XPA: variants seen among roughly 807,000 people sequenced by gnomAD.
XPA encodes XPA, DNA damage recognition and repair factor.
Under a neutral mutation model 35.7 loss-of-function variants are expected in XPA, and 27 were observed. That is an observed-to-expected ratio of 0.76 (90% CI 0.56 to 1.04). The LOEUF is 1.04. XPA is among the 50% of genes least tolerant of loss of function. The pLI is 0.00. For synonymous variants in XPA, 133 were observed against 118.4 expected, an observed-to-expected ratio of 1.12 and a Z score of -0.80; for missense variants, 354 against 342.7, an observed-to-expected ratio of 1.03 and a Z score of -0.26.
At chr9:97,670,536 C>CGG, downstream of XPA, among the ~76,000 whole-genome samples, 1 of 152,274 alleles carries the variant, frequency 6.6e-6, no homozygotes, top group African/African-American at 2.4e-5. Context: ...AGAAGTCACT[C>CGG]TAAGTTCAAT....
At chr9:97,693,969 A>G (rs1256476687) in intron 1 of XPA, among the ~76,000 whole-genome samples, 1 of 152,276 alleles carries the variant, frequency 6.6e-6, no homozygotes, top group East Asian at 1.9e-4. Flanking sequence ...AAAAGAAAGA[A>G]GTAAAACAGC....
At chr9:97,666,736 A>T in the XPA span, 1 of 1,439,948 alleles carries the variant, frequency 6.9e-7, no homozygotes, top group Non-Finnish European at 9.6e-7. Context: ...CTTGACATAC[A>T]GTAACCAAAT....
the XPA span, among the ~76,000 whole-genome samples, chr9:97,656,310 A>G: frequency 6.6e-6 from 1 of 152,242 alleles, no homozygotes; most frequent in Non-Finnish European, 1.5e-5. Flanking sequence ...GGCCGGGCGC[A>G]GTGGCTCACG....
At chr9:97,668,988 G>T in the XPA span, 1 of 1,592,780 alleles carries the variant, frequency 6.3e-7, no homozygotes, top group South Asian at 1.1e-5. Context: ...TCTTGGCTTG[G>T]GACATTTATA....
At chr9:97,685,609 A>G (rs1026821012) in intron 4 of XPA, among the ~76,000 whole-genome samples, 1 of 152,208 alleles carries the variant, frequency 6.6e-6, no homozygotes, top group Non-Finnish European at 1.5e-5. Flanking sequence ...GTATTTACTT[A>G]GATTTTAAGA....
chr9:97,688,983 G>C (rs779950478), intron 3 of XPA, among the ~76,000 whole-genome samples: 1 of 152,070 alleles, frequency 6.6e-6, no homozygotes, highest in Admixed American at 6.6e-5. Flanking sequence ...GGAGAACCAC[G>C]TGAAGTGAGA....
chr9:97,666,234 C>G, the XPA span, among the ~76,000 whole-genome samples: 1 of 152,166 alleles, frequency 6.6e-6, no homozygotes, highest in African/African-American at 2.4e-5. Flanking sequence ...AGTAAGAAAG[C>G]TGACATATAA....
rs1200391679 is a variant in XPA, at chr9:97,683,157, T to TAA, written c.673+1764_673+1765dup. 9.2e-5 allele frequency among the ~76,000 whole-genome samples: 14 copies of TAA among 152,264 alleles called. No homozygotes were observed. The East Asian group carries it at 2.7e-3, about 29-fold the overall frequency. On this transcript the variant is annotated intron_variant, in intron 5 of 5. Coordinates refer to ENST00000375128, the MANE Select transcript of XPA (RefSeq NM_000380.4). ...ATGGTTTAAGGAGGCAGCAAAGAGG[T>TAA]AAGAGTTGAGGTGATTTCAGGTAGC...
At position 97,687,109 on chromosome 9, in the gene XPA, T is replaced by C; in HGVS notation, c.542A>G (p.Tyr181Cys). 1.2e-6 allele frequency: 2 copies of C among 1,610,634 alleles called. No individual in the cohort carries two copies. ...CTTATTAGAGACCTGTAACTTTAAGTAGAGTTTCATATCACCCCATTGTGA... is the reference window on the plus strand; with the variant it reads ...CTTATTAGAGACCTGTAACTTTAAGCAGAGTTTCATATCACCCCATTGTGA... ...HHSQWGDMKL[Y>C]LKLQIVKRSL... The change falls in exon 4 of 6, where the codon TAC (tyrosine) becomes TGC (cysteine). Residue 181 changes from tyrosine to cysteine, a missense_variant. Tyr to Cys is a radical substitution (Grantham distance 194, BLOSUM62 -2). Transcript: ENST00000375128.
At chr9:97,671,028 C>T, downstream of XPA, 1 of 1,170,448 alleles carries the variant, frequency 8.5e-7, no homozygotes, top group Non-Finnish European at 1.3e-6. Context: ...GGAAATGTTC[C>T]ACAAGATTGC....
At chr9:97,689,703 T>A in intron 2 of XPA, 64 bp from the exon 3 acceptor site, 4 of 935,930 alleles carry the variant, frequency 4.3e-6, no homozygotes, top group Non-Finnish European at 5.1e-6. Context: ...TTTTCCTCTA[T>A]TTTATTAGCT....
chr9:97,678,136 C>T (rs558015688), intron 5 of XPA, among the ~76,000 whole-genome samples: 2 of 152,290 alleles, frequency 1.3e-5, no homozygotes, highest in South Asian at 4.1e-4. Flanking sequence ...CATGGTGGCT[C>T]ACGCCTATAA....
At chr9:97,657,904 C>A in the XPA span, among the ~76,000 whole-genome samples, 1 of 70,220 alleles carries the variant, frequency 1.4e-5, no homozygotes, top group African/African-American at 6.2e-5. Context: ...CTCTCTCTCT[C>A]TCTATATATA....
the XPA span, among the ~76,000 whole-genome samples, chr9:97,658,964 C>G: frequency 1.3e-5 from 2 of 152,094 alleles, no homozygotes; most frequent in Non-Finnish European, 2.9e-5. Flanking sequence ...ATCATTTTTT[C>G]TCTTTTGAAT....
At chr9:97,688,852 G>A (rs1828797372) in intron 3 of XPA, among the ~76,000 whole-genome samples, 1 of 152,118 alleles carries the variant, frequency 6.6e-6, no homozygotes, top group African/African-American at 2.4e-5. Flanking sequence ...AGTTGATTTA[G>A]GACTGTAGGG....
downstream of XPA, chr9:97,674,813 A>G: frequency 2.6e-6 from 1 of 388,354 alleles, no homozygotes; most frequent in Non-Finnish European, 5.0e-6. Flanking sequence ...GTCAACCATG[A>G]AAACAGCTCT....
chr9:97,670,491 T>C (rs1277165282), downstream of XPA, among the ~76,000 whole-genome samples: 2 of 152,196 alleles, frequency 1.3e-5, no homozygotes, highest in African/African-American at 2.4e-5. Context: ...CTCCCCTAAA[T>C]CTTCATTTGT....
At chr9:97,694,245 T>C (rs977301429) in intron 1 of XPA, among the ~76,000 whole-genome samples, 2 of 150,918 alleles carry the variant, frequency 1.3e-5, no homozygotes, top group Non-Finnish European at 3.0e-5. Flanking sequence ...GGGTGCGTTG[T>C]GTGTGTGTGC....
chr9:97,662,938 C>T, the XPA span: 6 of 1,572,012 alleles, frequency 3.8e-6, no homozygotes, highest in South Asian at 5.7e-5. Context: ...TATTTTTTTC[C>T]CATCATTATC....
Sources: allele counts gnomAD v4.1 joint callset (sites outside exome capture counted in the v4.1 genomes callset), GRCh38; gene constraint gnomAD v4.1.1; transcripts MANE v1.5; gene names NCBI Gene and HGNC (gene_info 2026-07-23, HGNC 2026-07-21).